The following PMM1 variants were observed in gnomAD, a reference collection of about 807,000 sequenced individuals.
PMM1 encodes the protein brain glucose-1,6-bisphosphatase.
In PMM1, 25 loss-of-function variants were observed where a neutral mutation model predicts 34.0. The ratio of observed to expected loss-of-function variants is 0.73; its 90% CI spans 0.54 to 1.03. PMM1 has a LOEUF of 1.03. Among genes scored for constraint, PMM1 ranks in the 50% least tolerant of loss-of-function variants. PMM1 has a pLI of 0.00. For synonymous variants in PMM1, 134 were observed against 143.9 expected, an observed-to-expected ratio of 0.93 and a Z score of 0.49; for missense variants, 321 against 350.1, an observed-to-expected ratio of 0.92 and a Z score of 0.66.
chr22:41,589,146 G>C (rs1162704944), intron 1 of PMM1: 1 of 1,303,226 alleles, frequency 7.7e-7, no homozygotes, highest in East Asian at 5.5e-5. Flanking sequence ...TTGAAAAGAA[G>C]CCCTCTCTGC....
intron 5 of PMM1, 62 bp from the exon 6 acceptor site, chr22:41,578,943 G>A: frequency 1.4e-6 from 2 of 1,439,764 alleles, no homozygotes. Flanking sequence ...GCCCTGGCTG[G>A]GCACACAGTC....
In PMM1 at chr22:41,578,721, G is replaced by A. The variant is rs59792876; in HGVS notation, c.550+85C>T. On this transcript the variant is annotated intron_variant, in intron 6 of 7. Transcript: ENST00000216259. ...GGAGGGGCTACTAAAGCTACTGGGG[G>A]CCACAGCCTGGTCTTGGCAGGGGCA... 4,953 of 1,144,150 alleles carry A rather than the reference G, an allele frequency of 4.3e-3. 133 individuals are homozygous for A. In the African/African-American group the frequency reaches 0.059, roughly 14 times the overall value. 70.9% of individuals were successfully genotyped at this position (1,144,150 alleles called of 1,614,324 possible).
At position 41,584,355 on chromosome 22, in the gene PMM1, C is replaced by T; in HGVS notation, c.300G>A (p.Leu100=). 6.2e-7 allele frequency: 1 copy of T among 1,614,150 alleles called. No individual in the cohort carries two copies. Among genetic ancestry groups the T allele is most frequent in the Non-Finnish European group, 8.5e-7 (1 of 1,180,000 alleles). Residue 100 remains leucine, a synonymous_variant, in exon 4 of 8, where the codon CTG becomes CTA. Coordinates refer to ENST00000216259, the MANE Select transcript of PMM1 (RefSeq NM_002676.3). ...LLSKQTIQNH[L]GEELLQDLIN... is the part of the protein sequence containing the mutation. ...TCAAGTCCTGCAGCAGCTCCTCCCC[C>T]AGGTGGTTCTGGATGGTCTGGCCAA...
chr22:41,584,779 C>A, intron 2 of PMM1, 176 bp from the exon 3 acceptor site: 3 of 584,296 alleles, frequency 5.1e-6, no homozygotes, highest in East Asian at 5.6e-5. Flanking sequence ...GCTTGGTTTT[C>A]TTCCAAAGAA....
chr22:41,582,888 G>A (rs1429005066), intron 5 of PMM1, among the ~76,000 whole-genome samples: 1 of 152,208 alleles, frequency 6.6e-6, no homozygotes, highest in Non-Finnish European at 1.5e-5. Flanking sequence ...GTCTGGATGG[G>A]TGGATTGCTC....
At chr22:41,589,419 G>C in intron 1 of PMM1, 1 of 518,024 alleles carries the variant, frequency 1.9e-6, no homozygotes, top group Middle Eastern at 5.4e-4. Context: ...TTAGCGGCGT[G>C]TGACAGCCTC....
chr22:41,589,812 A>C lies in PMM1; in HGVS notation c.-7T>G. The C allele has an allele frequency of 6.5e-7, 1 of 1,534,028 alleles. No individual in the cohort carries two copies. Among genetic ancestry groups the C allele is most frequent in the African/African-American group, 1.4e-5 (1 of 72,646 alleles). ...CCTGGGCGGTGACTGCCATGGCTGC[A>C]GGTCCGCGCGCGGGGCGGAGTCCCG... is the stretch of plus-strand genomic sequence containing the variant. On this transcript the variant is annotated 5_prime_UTR_variant, in exon 1 of 8. Transcript: ENST00000216259.
In PMM1 at chr22:41,584,605, T is replaced by G; in HGVS notation, c.206-2A>C. On this transcript the variant is annotated splice_acceptor_variant, in intron 2 of 7. Coordinates refer to ENST00000216259, the MANE Select transcript of PMM1 (RefSeq NM_002676.3). LOFTEE classifies it high-confidence loss of function. ...ACACATAATCAAACTTCTCAATGAC[T>G]TCAGGGTCACATAGAGGACAGGAGG... 6.2e-7 allele frequency: 1 copy of G among 1,612,208 alleles called. No homozygotes were observed.
intron 2 of PMM1, chr22:41,584,850 GC>G (rs2067290140): frequency 2.2e-6 from 1 of 445,316 alleles, no homozygotes. Context: ...TGTCAGAACC[GC>G]CCTTCCCTGG....
intron 5 of PMM1, chr22:41,579,655 G>A (rs1290580299): frequency 6.6e-6 from 1 of 152,638 alleles, no homozygotes; most frequent in Non-Finnish European, 1.5e-5. Flanking sequence ...TGGAGCACAG[G>A]AGTGGGGTGG....
At chr22:41,584,101 G>A in intron 4 of PMM1, 43 bp from the exon 5 acceptor site, 1 of 1,491,008 alleles carries the variant, frequency 6.7e-7, no homozygotes, top group Non-Finnish European at 9.4e-7. Flanking sequence ...AACCAGAACG[G>A]CCCTGAATTC....
intron 6 of PMM1, 120 bp downstream of exon 6, chr22:41,578,686 C>T (rs2067205518): frequency 2.6e-6 from 2 of 770,678 alleles, no homozygotes; most frequent in East Asian, 5.3e-5. Flanking sequence ...CCCTCTCTGC[C>T]CTGAGCCGGG....
chr22:41,588,798 A>G, intron 1 of PMM1: 1 of 985,480 alleles, frequency 1.0e-6, no homozygotes, highest in Non-Finnish European at 1.2e-6. Context: ...CTGGGTTCCC[A>G]TCAGCCACTG....
Position 41,584,627 on chromosome 22 carries a change from G to A in PMM1, c.206-24C>T, listed in dbSNP as rs533303728. 21 of 1,575,242 alleles carry A rather than the reference G, an allele frequency of 1.3e-5. No individual in the cohort carries two copies. In the East Asian group the frequency reaches 2.5e-4, roughly 18 times the overall value. On this transcript the variant is annotated intron_variant, in intron 2 of 7. Transcript: ENST00000216259. The stretch of plus-strand genomic sequence containing the variant: ...GACTTCAGGGTCACATAGAGGACAG[G>A]AGGAAGAAAGAGTGTGAGACCACGT...
chr22:41,583,168 T>C (rs1268703272), intron 5 of PMM1, among the ~76,000 whole-genome samples: 3 of 151,600 alleles, frequency 2.0e-5, no homozygotes, highest in Non-Finnish European at 2.9e-5. Flanking sequence ...GGGGGGTGAA[T>C]GCGGCTGACA....
At chr22:41,579,342 A>G (rs530833012) in intron 5 of PMM1, 1 of 170,712 alleles carries the variant, frequency 5.9e-6, no homozygotes, top group Admixed American at 5.7e-5. Context: ...GATGCCAGGC[A>G]TGGCAGAGCA....
At chr22:41,582,929 G>A (rs560799463) in intron 5 of PMM1, among the ~76,000 whole-genome samples, 1 of 152,254 alleles carries the variant, frequency 6.6e-6, no homozygotes, top group African/African-American at 2.4e-5. Flanking sequence ...GCGGTGGGGA[G>A]AAAAGCAAAA....
rs1191587948 is a variant in PMM1, at chr22:41,589,634, G to A, written c.87+85C>T. 3 of 1,210,316 alleles carry A rather than the reference G, an allele frequency of 2.5e-6. No individual in the cohort carries two copies. In the African/African-American group the frequency reaches 4.5e-5, roughly 18 times the overall value. 75.0% of individuals were successfully genotyped at this position (1,210,316 alleles called of 1,614,324 possible). A position where few individuals can be genotyped will look rare whatever the true frequency, so the allele number is the denominator to read the frequency against. On this transcript the variant is annotated intron_variant, in intron 1 of 7. Coordinates refer to ENST00000216259, the MANE Select transcript of PMM1 (RefSeq NM_002676.3). Reference sequence around the variant, plus strand: ...CACACTCGGTCCCCGGGTGTCCACGGTCACGCTGCTGCAGACCCCACACTC... The same window carrying A: ...CACACTCGGTCCCCGGGTGTCCACGATCACGCTGCTGCAGACCCCACACTC...
intron 6 of PMM1, among the ~76,000 whole-genome samples, chr22:41,578,414 C>T (rs2067200952): frequency 6.6e-6 from 1 of 151,938 alleles, no homozygotes; most frequent in South Asian, 2.1e-4. Flanking sequence ...CAGAGGGGAG[C>T]CCAGTTGTGT....
Sources: gnomAD v4.1 joint callset for allele counts (sites outside exome capture counted in the v4.1 genomes callset) on GRCh38, gnomAD v4.1.1 for gene constraint, MANE v1.5 for transcripts, NCBI Gene and HGNC (gene_info 2026-07-23, HGNC 2026-07-21) for gene names.